MYRIP: variants seen among roughly 807,000 people sequenced by gnomAD.
MYRIP encodes the protein rab effector MyRIP.
A neutral mutation model predicts 98.0 loss-of-function variants in MYRIP; 49 were observed. That is an observed-to-expected ratio of 0.50 (90% CI 0.40 to 0.63). The LOEUF is 0.63. MYRIP is among the 30% of genes least tolerant of loss of function. The pLI, the probability that MYRIP is intolerant of heterozygous loss-of-function variation, is 0.00. For synonymous variants in MYRIP, 404 were observed against 409.5 expected (o/e 0.99, Z 0.16); for missense variants, 1,004 against 1,058.2 (o/e 0.95, Z 0.71).
intron 3 of MYRIP, among the ~76,000 whole-genome samples, chr3:40,065,826 T>C (rs1366501213): frequency 6.6e-6 from 1 of 152,146 alleles, no homozygotes; most frequent in Non-Finnish European, 1.5e-5. Context: ...GTCTTCTTTA[T>C]CTTTGTACCC....
chr3:40,078,375 C>T (rs1337965822), intron 3 of MYRIP, among the ~76,000 whole-genome samples: 4 of 152,200 alleles, frequency 2.6e-5, no homozygotes, highest in Non-Finnish European at 5.9e-5. Context: ...CACAGTGCAG[C>T]GGTGGGCTGA....
rs1953665923 is a variant in MYRIP, at chr3:40,258,335, C to T, written c.*169C>T. 2 of 717,122 alleles carry T rather than the reference C, an allele frequency of 2.8e-6. No individual in the cohort carries two copies. The highest frequency in any genetic ancestry group is 2.7e-5 in the East Asian group (1 of 37,388). 44.4% of individuals were successfully genotyped at this position (717,122 alleles called of 1,614,324 possible). On this transcript the variant is annotated 3_prime_UTR_variant, in exon 17 of 17. Coordinates refer to ENST00000302541, the MANE Select transcript of MYRIP (RefSeq NM_015460.4). ...CCTGATACCTCATCCAGAAAGCCGT[C>T]TCAGACTTCAGCACTGCGGTCTTGC...
intron 2 of MYRIP, among the ~76,000 whole-genome samples, chr3:39,976,378 T>C (rs1185827439): frequency 6.6e-6 from 1 of 152,160 alleles, no homozygotes; most frequent in African/African-American, 2.4e-5. Context: ...TGGCGATCAT[T>C]AAAGAGTCAG....
intron 1 of MYRIP, among the ~76,000 whole-genome samples, chr3:39,859,540 T>C (rs1185968812): frequency 6.6e-6 from 1 of 152,162 alleles, no homozygotes; most frequent in African/African-American, 2.4e-5. Flanking sequence ...TAACATTACA[T>C]GGATACTAGA....
In MYRIP at chr3:40,145,704, T is replaced by C. The variant is rs944504420; in HGVS notation, c.333-5344T>C. Among the ~76,000 whole-genome samples, 6 of 152,382 alleles carry C rather than the reference T, an allele frequency of 3.9e-5. No individual in the cohort carries two copies. The South Asian group carries it at 1.2e-3, about 32-fold the overall frequency. The stretch of plus-strand genomic sequence containing the variant: ...CGTCTAGGATCCACAACTGTGGATA[T>C]GTGAAATTGTTTAGCTGGCAGCATA... On this transcript the variant is annotated intron_variant, in intron 3 of 16. Transcript: ENST00000302541.
At chr3:40,164,062 T>G (rs542250143) in intron 5 of MYRIP, among the ~76,000 whole-genome samples, 8 of 152,234 alleles carry the variant, frequency 5.3e-5, no homozygotes, top group Non-Finnish European at 8.8e-5. Context: ...CTGAAGATCT[T>G]ATAGGGTTCT....
At chr3:39,891,907 G>T (rs192950202) in intron 1 of MYRIP, among the ~76,000 whole-genome samples, 4 of 150,654 alleles carry the variant, frequency 2.7e-5, no homozygotes, top group South Asian at 2.1e-4. Context: ...TACCTTTTCT[G>T]TTTTTTTTCT....
intron 3 of MYRIP, among the ~76,000 whole-genome samples, chr3:40,067,667 T>C (rs1352274481): frequency 6.6e-6 from 1 of 152,190 alleles, no homozygotes; most frequent in Non-Finnish European, 1.5e-5. Context: ...AAAGACCTAG[T>C]TAGCTTTTCC....
At chr3:40,101,753 C>A (rs988805417) in intron 3 of MYRIP, among the ~76,000 whole-genome samples, 3 of 152,102 alleles carry the variant, frequency 2.0e-5, no homozygotes, top group Admixed American at 6.5e-5. Context: ...GCAATATATT[C>A]TTATTAATCA....
intron 2 of MYRIP, among the ~76,000 whole-genome samples, chr3:39,917,623 G>A (rs1404739668): frequency 6.6e-6 from 1 of 151,532 alleles, no homozygotes; most frequent in East Asian, 1.9e-4. Flanking sequence ...AAATGACTAA[G>A]AGAGATCAGA....
At chr3:39,854,977 A>G (rs1428808537) in intron 1 of MYRIP, among the ~76,000 whole-genome samples, 1 of 152,162 alleles carries the variant, frequency 6.6e-6, no homozygotes, top group Admixed American at 6.5e-5. Context: ...GTTTGCAAGG[A>G]GGTGTGTGAT....
intron 1 of MYRIP, among the ~76,000 whole-genome samples, chr3:39,895,362 T>C (rs952262514): frequency 1.3e-5 from 2 of 152,038 alleles, no homozygotes; most frequent in African/African-American, 4.8e-5. Flanking sequence ...AATTTTTGTA[T>C]TTTTATTAGA....
intron 2 of MYRIP, among the ~76,000 whole-genome samples, chr3:39,974,516 A>G (rs1270675186): frequency 1.3e-5 from 2 of 152,222 alleles, no homozygotes; most frequent in Non-Finnish European, 2.9e-5. Flanking sequence ...ATTCCAATCA[A>G]TAGAAAAAGA....
chr3:40,190,259 G>T lies in MYRIP; in HGVS notation c.1461G>T (p.Lys487Asn), dbSNP rs1413892221. ...CCCCCAGGAACCCTGCAGCTGAGAA[G>T]ATGCGCTTGCATGGAGAGCTGGACG... ...RKAPRNPAAE[K>N]MRLHGELDVN... is the part of the protein sequence containing the mutation. Residue 487 changes from lysine (K) to asparagine (N), a missense_variant, in exon 10 of 17, where the codon AAG (lysine) becomes AAT (asparagine). By Grantham distance (94) the Lys-to-Asn change is moderately conservative. Transcript: ENST00000302541. 14 of 1,613,964 alleles carry T rather than the reference G, an allele frequency of 8.7e-6. No individual in the cohort carries two copies. Among genetic ancestry groups the T allele is most frequent in the South Asian group, 3.3e-5 (3 of 91,080 alleles).
chr3:40,162,902 T>A, intron 5 of MYRIP, 92 bp downstream of exon 5: 1 of 1,162,066 alleles, frequency 8.6e-7, no homozygotes, highest in South Asian at 1.3e-5. Context: ...CCAGATGCAT[T>A]GTTACCCCAG....
rs534417066 is a variant in MYRIP at position 39,885,806 on chromosome 3, A to G, written c.-30-14981A>G. Among the ~76,000 whole-genome samples, 1,347 of 151,978 alleles carry G rather than the reference A, an allele frequency of 8.9e-3. 24 individuals are homozygous for G. Among genetic ancestry groups the G allele is most frequent in the African/African-American group, 0.031 (1,272 of 41,406 alleles). ...GATCGCATTGGCTCCTGAGGCTTCTACATTCTTCACGTAGTTCTCAAGCCT... is the reference window on the plus strand; with the variant it reads ...GATCGCATTGGCTCCTGAGGCTTCTGCATTCTTCACGTAGTTCTCAAGCCT... On this transcript the variant is annotated intron_variant, in intron 1 of 16. Coordinates refer to ENST00000302541, the MANE Select transcript of MYRIP (RefSeq NM_015460.4).
At chr3:40,134,993 AAC>A (rs1423143472) in intron 3 of MYRIP, among the ~76,000 whole-genome samples, 3 of 152,264 alleles carry the variant, frequency 2.0e-5, no homozygotes, top group Non-Finnish European at 4.4e-5. Flanking sequence ...CCTCCAAAGG[AAC>A]GCAGCTCCTC....
intron 2 of MYRIP, among the ~76,000 whole-genome samples, chr3:40,037,891 G>C (rs968533692): frequency 6.6e-5 from 10 of 152,204 alleles, no homozygotes; most frequent in African/African-American, 2.4e-4. Context: ...TTAGGTCACA[G>C]ATGCTCCCAT....
chr3:40,021,565 C>T (rs1261247323), intron 2 of MYRIP, among the ~76,000 whole-genome samples: 1 of 152,142 alleles, frequency 6.6e-6, no homozygotes, highest in Non-Finnish European at 1.5e-5. Flanking sequence ...CAACCAAGAG[C>T]GTGATGACAG....
Sources: allele counts gnomAD v4.1 joint callset (sites outside exome capture counted in the v4.1 genomes callset), GRCh38; gene constraint gnomAD v4.1.1; transcripts MANE v1.5; gene names NCBI Gene and HGNC (gene_info 2026-07-23, HGNC 2026-07-21).